CPPED1: variants seen among roughly 807,000 people sequenced by gnomAD.
CPPED1 encodes the protein calcineurin like phosphoesterase domain containing 1.
CPPED1 carries 28 observed loss-of-function variants against 28.0 expected under a neutral mutation model. The observed-to-expected ratio is 1.00, with a 90% CI of 0.74 to 1.37. The LOEUF (loss-of-function observed/expected upper bound fraction) is 1.37. Among genes scored for constraint, CPPED1 ranks in the 40% most tolerant of loss-of-function variants. CPPED1 has a pLI of 0.00. For synonymous variants in CPPED1, 198 were observed against 180.2 expected (o/e 1.10, Z -0.79); for missense variants, 504 against 416.5 (o/e 1.21, Z -1.83).
chr16:12,699,281 G>A (rs945264575), intron 3 of CPPED1, among the ~76,000 whole-genome samples: 4 of 152,164 alleles, frequency 2.6e-5, no homozygotes, highest in African/African-American at 4.8e-5. Context: ...TATCTGTCCT[G>A]ACCTGATAAC....
chr16:12,746,087 T>C (rs1019862418), intron 2 of CPPED1: 13 of 152,176 alleles, frequency 8.5e-5, no homozygotes, highest in African/African-American at 3.1e-4. Context: ...TACAATTCTA[T>C]GTCCCGGCAG....
At chr16:12,776,061 G>A (rs576165645) in intron 2 of CPPED1, among the ~76,000 whole-genome samples, 3 of 152,300 alleles carry the variant, frequency 2.0e-5, no homozygotes, top group African/African-American at 7.2e-5. Context: ...AGGATCTTGA[G>A]ATGGAAACAT....
chr16:12,669,618 T>C (rs1596438490), intron 3 of CPPED1, among the ~76,000 whole-genome samples: 1 of 152,186 alleles, frequency 6.6e-6, no homozygotes, highest in South Asian at 2.1e-4. Context: ...TGGTTTCACA[T>C]AGAAATATTT....
chr16:12,673,007 GT>G (rs1476984943), intron 3 of CPPED1, among the ~76,000 whole-genome samples: 1 of 151,740 alleles, frequency 6.6e-6, no homozygotes, highest in Non-Finnish European at 1.5e-5. Flanking sequence ...GCAAGACCCT[GT>G]CTCAAAAGAA....
intron 1 of CPPED1, among the ~76,000 whole-genome samples, chr16:12,788,416 G>T (rs1418798300): frequency 1.3e-5 from 2 of 152,110 alleles, no homozygotes; most frequent in Non-Finnish European, 2.9e-5. Context: ...ACTCAATAAG[G>T]CCATTTATTG....
chr16:12,718,970 T>C (rs1270635285), intron 2 of CPPED1, among the ~76,000 whole-genome samples: 1 of 151,454 alleles, frequency 6.6e-6, no homozygotes, highest in Non-Finnish European at 1.5e-5. Context: ...AGCAAAAAAG[T>C]TTCACGGGCT....
chr16:12,689,521 C>G (rs1449195697), intron 3 of CPPED1, among the ~76,000 whole-genome samples: 2 of 151,924 alleles, frequency 1.3e-5, no homozygotes, highest in Non-Finnish European at 2.9e-5. Flanking sequence ...AGAGCCACCA[C>G]ACCCAGCCAG....
intron 2 of CPPED1, among the ~76,000 whole-genome samples, chr16:12,743,528 A>C (rs941480139): frequency 7.9e-5 from 12 of 152,244 alleles, no homozygotes; most frequent in Non-Finnish European, 1.6e-4. Context: ...TGTAATTTTT[A>C]AAATGAAAAG....
chr16:12,668,908 G>A (rs1183022393), intron 3 of CPPED1, among the ~76,000 whole-genome samples: 2 of 152,166 alleles, frequency 1.3e-5, no homozygotes, highest in East Asian at 3.8e-4. Flanking sequence ...CAGTTCTTTT[G>A]GAAAACATTT....
intron 2 of CPPED1, among the ~76,000 whole-genome samples, chr16:12,762,357 T>G (rs953495807): frequency 6.6e-6 from 1 of 152,242 alleles, no homozygotes; most frequent in Non-Finnish European, 1.5e-5. Flanking sequence ...TTATGCTGTA[T>G]GTCAGGGCAA....
chr16:12,760,473 C>T (rs2141226207), intron 2 of CPPED1: 1 of 152,400 alleles, frequency 6.6e-6, no homozygotes, highest in South Asian at 2.1e-4. Flanking sequence ...AATCCGGGGA[C>T]TGCTGTACTA....
intron 3 of CPPED1, among the ~76,000 whole-genome samples, chr16:12,666,981 G>C (rs778314585): frequency 6.6e-6 from 1 of 151,738 alleles, no homozygotes. Context: ...ACAGGTTCAA[G>C]TCTAGGAACT....
chr16:12,803,825 C>T lies in CPPED1; in HGVS notation c.-49G>A, dbSNP rs2080677019. The T allele has an allele frequency of 6.5e-7, 1 of 1,537,114 alleles. No individual in the cohort carries two copies. The highest frequency in any genetic ancestry group is 2.5e-5 in the East Asian group (1 of 39,732). The stretch of plus-strand genomic sequence containing the variant: ...CTTAGAACACTGCGTGGGTGGAAGC[C>T]GCGCGACTTCACACAGAACAACCGC... On this transcript the variant is annotated 5_prime_UTR_variant, in exon 1 of 4. Coordinates refer to ENST00000381774, the MANE Select transcript of CPPED1 (RefSeq NM_018340.3).
At chr16:12,697,370 C>G (rs146389139) in intron 3 of CPPED1, among the ~76,000 whole-genome samples, 58 of 83,050 alleles carry the variant, frequency 7.0e-4, no homozygotes, top group African/African-American at 1.6e-3. Flanking sequence ...CATGGACCCT[C>G]TTGTCTGCAA....
intron 1 of CPPED1, among the ~76,000 whole-genome samples, chr16:12,795,798 C>A (rs913614149): frequency 6.6e-5 from 10 of 152,160 alleles, no homozygotes; most frequent in Non-Finnish European, 1.2e-4. Context: ...TAAATGGTCA[C>A]TGAGGCCAGG....
Position 12,796,111 on chromosome 16 carries a change from T to C in CPPED1, c.70+7596A>G, listed in dbSNP as rs2080626324. On this transcript the variant is annotated intron_variant, in intron 1 of 3. Transcript: ENST00000381774. ...AAAAAAAAAGCCACTGAGTGTCTAC[T>C]ACTGCTAGACACCATCCTAGGTCTG... 2.0e-5 allele frequency among the ~76,000 whole-genome samples: 3 copies of C among 150,110 alleles called. No homozygotes were observed. The South Asian group carries it at 6.3e-4, about 32-fold the overall frequency.
intron 2 of CPPED1, among the ~76,000 whole-genome samples, chr16:12,748,593 T>C (rs1281488710): frequency 6.6e-6 from 1 of 152,116 alleles, no homozygotes; most frequent in Admixed American, 6.6e-5. Flanking sequence ...GTCTATTAAG[T>C]ATGCAAGACT....
chr16:12,759,872 A>G (rs937043692), intron 2 of CPPED1, among the ~76,000 whole-genome samples: 2 of 152,218 alleles, frequency 1.3e-5, no homozygotes, highest in Non-Finnish European at 2.9e-5. Flanking sequence ...ATCAGGTGGT[A>G]TCCTTATATC....
At chr16:12,724,382 G>C (rs1469851452) in intron 2 of CPPED1, among the ~76,000 whole-genome samples, 2 of 152,158 alleles carry the variant, frequency 1.3e-5, no homozygotes, top group Non-Finnish European at 2.9e-5. Flanking sequence ...CGGGGCTACA[G>C]CTCACTGCCG....
Sources: allele counts gnomAD v4.1 joint callset (sites outside exome capture counted in the v4.1 genomes callset), GRCh38; gene constraint gnomAD v4.1.1; transcripts MANE v1.5; gene names NCBI Gene and HGNC (gene_info 2026-07-23, HGNC 2026-07-21).